The following ECPAS variants were observed in gnomAD, a reference collection of about 807,000 sequenced individuals.
ECPAS encodes Ecm29 proteasome adaptor and scaffold, also known as proteasome adapter and scaffold protein ECM29.
ECPAS carries 70 observed loss-of-function variants against 255.1 expected under a neutral mutation model. The observed-to-expected ratio is 0.27, with a 90% CI of 0.23 to 0.33. ECPAS has a LOEUF of 0.33. ECPAS is among the 10% of genes least tolerant of loss of function. The probability of loss-of-function intolerance (pLI) is 1.00; values close to 1 mark genes in which losing one functional copy is unlikely to be tolerated. For synonymous variants in ECPAS, 784 were observed against 775.0 expected (o/e 1.01, Z -0.19); for missense variants, 1,817 against 2,206.4 (o/e 0.82, Z 3.54).
At chr9:111,441,008 C>G (rs1053823896) in intron 5 of ECPAS, among the ~76,000 whole-genome samples, 2 of 151,338 alleles carry the variant, frequency 1.3e-5, no homozygotes, top group African/African-American at 2.4e-5. Flanking sequence ...AAAAATCAGC[C>G]AGGCGCGGTG....
chr9:111,446,438 T>C (rs1207796493), intron 3 of ECPAS, among the ~76,000 whole-genome samples: 2 of 152,220 alleles, frequency 1.3e-5, no homozygotes, highest in African/African-American at 4.8e-5. Flanking sequence ...TTCTCCCTCA[T>C]TTCTGAAATT....
At chr9:111,468,193 G>C (rs1379973385) in intron 2 of ECPAS, among the ~76,000 whole-genome samples, 9 of 152,012 alleles carry the variant, frequency 5.9e-5, no homozygotes, top group Non-Finnish European at 2.9e-5. Flanking sequence ...AACCCAGAGA[G>C]GGCTTTACCC....
In ECPAS at chr9:111,390,052, T is replaced by C; in HGVS notation, c.3211A>G (p.Ser1071Gly). 6.2e-7 allele frequency: 1 copy of C among 1,600,898 alleles called. No individual in the cohort carries two copies. Among genetic ancestry groups the C allele is most frequent in the Non-Finnish European group, 8.5e-7 (1 of 1,170,544 alleles). ...KELCSLASDL[S>G]QPDLVYKFMN... ...AATTTATACACCAGATCTGGCTGGC[T>C]AAGATCACTTGCCAGAGAACAAAGT... is the stretch of plus-strand genomic sequence containing the variant. The change falls in exon 30 of 50, where the codon AGC becomes GGC. Residue 1071 changes from serine to glycine, a missense_variant. Around this residue, in one of 4 missense-constraint regions of ECPAS, gnomAD observed 960 missense variants for 1,179.0 expected, o/e 0.81. Coordinates refer to ENST00000684092, the MANE Select transcript of ECPAS (RefSeq NM_001364929.1).
rs536640067 is a variant in ECPAS, at chr9:111,471,024, T to C, written c.22+1873A>G. Among the ~76,000 whole-genome samples the C allele has an allele frequency of 1.1e-3, 162 of 152,250 alleles. 1 individual carries two copies. The highest frequency in any genetic ancestry group is 1.4e-3 in the Non-Finnish European group (96 of 68,012). Reference sequence around the variant, plus strand: ...AGCTTAGAGGAAATAATATATACTATGCAAGAGTTCAGACTGCATAAAAGT... The same window carrying C: ...AGCTTAGAGGAAATAATATATACTACGCAAGAGTTCAGACTGCATAAAAGT... On this transcript the variant is annotated intron_variant, in intron 2 of 49. Coordinates refer to ENST00000684092, the MANE Select transcript of ECPAS (RefSeq NM_001364929.1).
chr9:111,484,291 G>A lies in ECPAS; in HGVS notation c.-258C>T. 6.5e-7 allele frequency: 1 copy of A among 1,545,472 alleles called. No homozygotes were observed. The highest frequency in any genetic ancestry group is 8.7e-7 in the Non-Finnish European group (1 of 1,147,302). On this transcript the variant is annotated 5_prime_UTR_variant, in exon 1 of 50. Coordinates refer to ENST00000684092, the MANE Select transcript of ECPAS (RefSeq NM_001364929.1). ...CGGCCGGGGGAAATCCTCGAGGCGGGGCCGGAGCGCCCTTTTCCGAGGTCT... is the reference window on the plus strand; with the variant it reads ...CGGCCGGGGGAAATCCTCGAGGCGGAGCCGGAGCGCCCTTTTCCGAGGTCT...
At position 111,442,406 on chromosome 9, in the gene ECPAS, C is replaced by G; in HGVS notation, c.289G>C (p.Val97Leu). The G allele has an allele frequency of 6.2e-7, 1 of 1,602,558 alleles. No homozygotes were observed. The highest frequency in any genetic ancestry group is 1.3e-5 in the African/African-American group (1 of 74,826). ...GGTAGGCGAGGATAGCCCATTTTAA[C>G]ATAAATTATAGTAAAATTCTAATGC... ...SFVTNFTIIYVKMGYPRLPVE... is the reference protein window; with the variant it reads ...SFVTNFTIIYLKMGYPRLPVE... The change falls in exon 5 of 50, where the codon GTT (valine) becomes CTT (leucine). Residue 97 changes from valine to leucine, a missense_variant. Physicochemically the swap from Val to Leu is conservative, Grantham distance 32. Around this residue, in one of 4 missense-constraint regions of ECPAS, gnomAD observed 90 missense variants for 158.5 expected, o/e 0.57. Coordinates refer to ENST00000684092, the MANE Select transcript of ECPAS (RefSeq NM_001364929.1).
At chr9:111,396,370 G>C (rs1046553433) in intron 25 of ECPAS, among the ~76,000 whole-genome samples, 1 of 152,154 alleles carries the variant, frequency 6.6e-6, no homozygotes, top group Non-Finnish European at 1.5e-5. Flanking sequence ...AGGCACTGAG[G>C]CTTCATTATG....
At chr9:111,407,872 T>C (rs1449113585) in intron 24 of ECPAS, among the ~76,000 whole-genome samples, 2 of 152,188 alleles carry the variant, frequency 1.3e-5, no homozygotes, top group African/African-American at 4.8e-5. Context: ...AGAGTCTGCA[T>C]TCAGTCTGGT....
chr9:111,404,806 T>A, intron 24 of ECPAS, among the ~76,000 whole-genome samples: 1 of 57,204 alleles, frequency 1.7e-5, no homozygotes, highest in Non-Finnish European at 3.3e-5. Context: ...CTGCTTATAA[T>A]AGCTACCAAA....
chr9:111,373,896 T>A (rs1215545405), intron 39 of ECPAS, 76 bp downstream of exon 39: 1 of 1,114,502 alleles, frequency 9.0e-7, no homozygotes, highest in African/African-American at 1.5e-5. Context: ...ATGATAAGTA[T>A]TTTTCCTTTT....
At chr9:111,445,153 G>A (rs748608911) in intron 3 of ECPAS, among the ~76,000 whole-genome samples, 31 of 151,312 alleles carry the variant, frequency 2.0e-4, no homozygotes, top group African/African-American at 4.6e-4. Context: ...CCGCCATCAC[G>A]CCTGGCTAAT....
intron 1 of ECPAS, among the ~76,000 whole-genome samples, chr9:111,477,277 T>A (rs2132113441): frequency 6.6e-6 from 1 of 151,180 alleles, no homozygotes; most frequent in East Asian, 2.0e-4. Flanking sequence ...CCCGGCTAAT[T>A]TTTTTGTATT....
intron 6 of ECPAS, among the ~76,000 whole-genome samples, chr9:111,439,144 A>C (rs1325846512): frequency 1.3e-5 from 2 of 152,214 alleles, no homozygotes. Flanking sequence ...CAGTGGCCAT[A>C]TAGGCGGGTG....
chr9:111,440,476 A>G lies in ECPAS; in HGVS notation c.435T>C (p.Pro145=), dbSNP rs573060595. 8 of 1,612,442 alleles carry G rather than the reference A, an allele frequency of 5.0e-6. No homozygotes were observed. The African/African-American group carries it at 1.1e-4, about 21-fold the overall frequency. ...LIPTLFHMKY[P]VESSKSASPF... ...GAGAAGCTGATTTTGATGATTCAAC[A>G]GGGTATTTCATGTGAAAAAGGGTTG... is the stretch of plus-strand genomic sequence containing the variant. Residue 145 remains proline, a synonymous_variant, in exon 6 of 50, where the codon CCT becomes CCC. Transcript: ENST00000684092.
In ECPAS at chr9:111,406,160, AT is replaced by A. The variant is rs2098183631; in HGVS notation, c.2652+2410del. ...GATGAATGGATTTTTTAAAAGTGGTATATATACACAATGGAATATTATTCAG... is the reference window on the plus strand; with the variant it reads ...GATGAATGGATTTTTTAAAAGTGGTAATATACACAATGGAATATTATTCAG... On this transcript the variant is annotated intron_variant, in intron 24 of 49. Transcript: ENST00000684092. Among the ~76,000 whole-genome samples, 3 of 150,004 alleles carry A rather than the reference AT, an allele frequency of 2.0e-5. No individual in the cohort carries two copies. The South Asian group carries it at 6.3e-4, about 31-fold the overall frequency.
chr9:111,474,851 A>G (rs755655009), intron 1 of ECPAS, among the ~76,000 whole-genome samples: 2 of 152,252 alleles, frequency 1.3e-5, no homozygotes, highest in Non-Finnish European at 2.9e-5. Flanking sequence ...AAGGTAAGGT[A>G]ATTTGTCCAA....
At chr9:111,400,403 C>G (rs910990766) in intron 24 of ECPAS, among the ~76,000 whole-genome samples, 1 of 152,108 alleles carries the variant, frequency 6.6e-6, no homozygotes, top group Non-Finnish European at 1.5e-5. Flanking sequence ...AAAACATGTT[C>G]GAAAAAACAT....
chr9:111,376,566 C>T (rs2131534280), intron 36 of ECPAS, 25 bp from the exon 37 acceptor site: 1 of 1,557,848 alleles, frequency 6.4e-7, no homozygotes, highest in Non-Finnish European at 8.7e-7. Context: ...TTAAAGTCAC[C>T]CGGCACATTC....
At chr9:111,421,416 T>G (rs2098213644) in intron 15 of ECPAS, among the ~76,000 whole-genome samples, 1 of 127,586 alleles carries the variant, frequency 7.8e-6, no homozygotes, top group Admixed American at 7.3e-5. Flanking sequence ...TATATGTGTG[T>G]GTGTGTGTGT....
Sources: allele counts gnomAD v4.1 joint callset (sites outside exome capture counted in the v4.1 genomes callset), GRCh38; gene constraint gnomAD v4.1.1; regional missense constraint gnomAD v4.1.1; transcripts MANE v1.5; gene names NCBI Gene and HGNC (gene_info 2026-07-23, HGNC 2026-07-21).